Variants in ERBB4 observed in about 807,000 individuals in gnomAD.
ERBB4 encodes receptor tyrosine-protein kinase erbB-4.
ERBB4 carries 42 observed loss-of-function variants against 158.0 expected under a neutral mutation model. That is an observed-to-expected ratio of 0.27 (90% CI 0.21 to 0.34). The LOEUF (loss-of-function observed/expected upper bound fraction) is 0.34. Ranked by LOEUF, ERBB4 falls within the 10% of genes least tolerant of loss-of-function variation. The pLI is 1.00. For missense variants in ERBB4, 1,333 were observed against 1,624.1 expected (o/e 0.82, Z 3.08); for synonymous variants, 583 against 558.7 (o/e 1.04, Z -0.61).
At chr2:212,190,403 G>A (rs2082152069) in intron 1 of ERBB4, among the ~76,000 whole-genome samples, 1 of 152,072 alleles carries the variant, frequency 6.6e-6, no homozygotes, top group Admixed American at 6.5e-5. Flanking sequence ...CGGGCGTGGT[G>A]GCAGGTGCCT....
At chr2:212,285,573 A>G (rs1314677996) in intron 1 of ERBB4, among the ~76,000 whole-genome samples, 1 of 152,180 alleles carries the variant, frequency 6.6e-6, no homozygotes, top group Admixed American at 6.5e-5. Flanking sequence ...GAAAATATAT[A>G]TGGTCCCAAA....
chr2:211,878,568 A>C (rs1057113227), intron 3 of ERBB4, among the ~76,000 whole-genome samples: 146 of 152,168 alleles, frequency 9.6e-4, no homozygotes, highest in African/African-American at 3.5e-3. Context: ...AAATATCAAA[A>C]TAATCAAGAA....
intron 4 of ERBB4, among the ~76,000 whole-genome samples, chr2:211,775,150 A>C (rs935646722): frequency 6.6e-6 from 1 of 152,166 alleles, no homozygotes; most frequent in African/African-American, 2.4e-5. Flanking sequence ...AAATTGAACT[A>C]AGGTTCTATC....
At chr2:211,677,079 T>C (rs920359914) in intron 13 of ERBB4, among the ~76,000 whole-genome samples, 2 of 152,174 alleles carry the variant, frequency 1.3e-5, no homozygotes, top group Admixed American at 1.3e-4. Flanking sequence ...TTTTCCCTTA[T>C]ATTTTATGGA....
chr2:212,395,614 C>CTTTTTTTTTTTTTTTTTTTTTTTTTTT (rs760604732), intron 1 of ERBB4, among the ~76,000 whole-genome samples: 1 of 84,736 alleles, frequency 1.2e-5, no homozygotes, highest in Non-Finnish European at 2.2e-5. Context: ...CAGTTACACT[C>CTTTTTTTTTTTTTTTTTTTTTTTTTTT]TTTTTTTTTT....
chr2:211,674,811 T>C (rs986544499), intron 13 of ERBB4, among the ~76,000 whole-genome samples: 2 of 152,150 alleles, frequency 1.3e-5, no homozygotes, highest in Non-Finnish European at 2.9e-5. Context: ...TTTTGGATAA[T>C]AGTTTCTTGG....
chr2:212,072,921 T>C (rs552659579), intron 2 of ERBB4, among the ~76,000 whole-genome samples: 2 of 151,016 alleles, frequency 1.3e-5, no homozygotes, highest in East Asian at 3.9e-4. Flanking sequence ...AGAAATATTG[T>C]TTCATGAAAG....
chr2:212,358,613 AT>A (rs1319783084), intron 1 of ERBB4, among the ~76,000 whole-genome samples: 1 of 151,716 alleles, frequency 6.6e-6, no homozygotes, highest in Non-Finnish European at 1.5e-5. Context: ...ATTCCTGGAA[AT>A]TTTGGTGTAT....
chr2:212,208,406 A>T (rs1285788765), intron 1 of ERBB4, among the ~76,000 whole-genome samples: 1 of 152,120 alleles, frequency 6.6e-6, no homozygotes, highest in African/African-American at 2.4e-5. Flanking sequence ...TAATATACTT[A>T]TCTATCTTGA....
intron 1 of ERBB4, among the ~76,000 whole-genome samples, chr2:212,166,880 G>T (rs1366283064): frequency 8.5e-5 from 13 of 152,112 alleles, no homozygotes; most frequent in Admixed American, 8.5e-4. Context: ...GGGAAAACTG[G>T]CTAGCCATCT....
At chr2:211,481,515 G>A (rs1559211240) in intron 20 of ERBB4, among the ~76,000 whole-genome samples, 1 of 151,822 alleles carries the variant, frequency 6.6e-6, no homozygotes, top group Non-Finnish European at 1.5e-5. Context: ...AACACACCAG[G>A]GCTGGAAATC....
At chr2:211,913,959 A>G (rs953313869) in intron 3 of ERBB4, among the ~76,000 whole-genome samples, 1 of 151,574 alleles carries the variant, frequency 6.6e-6, no homozygotes, top group African/African-American at 2.4e-5. Flanking sequence ...CAAAAATCAA[A>G]TAAGTGGAGA....
chr2:211,639,510 T>C (rs1228882988), intron 16 of ERBB4, among the ~76,000 whole-genome samples: 1 of 152,232 alleles, frequency 6.6e-6, no homozygotes, highest in African/African-American at 2.4e-5. Flanking sequence ...GGCACCATTC[T>C]TGTTCCCATA....
intron 2 of ERBB4, among the ~76,000 whole-genome samples, chr2:212,043,691 G>T (rs901291604): frequency 1.3e-5 from 2 of 152,066 alleles, no homozygotes; most frequent in Non-Finnish European, 2.9e-5. Flanking sequence ...AAAAGCCAGA[G>T]AATAAGTGAA....
intron 26 of ERBB4, among the ~76,000 whole-genome samples, chr2:211,387,506 C>T (rs990336662): frequency 1.3e-5 from 2 of 152,184 alleles, no homozygotes; most frequent in East Asian, 1.9e-4. Context: ...TAATTATAGA[C>T]AGTTGTCATT....
At chr2:211,494,283 G>C (rs1365099635) in intron 20 of ERBB4, among the ~76,000 whole-genome samples, 2 of 152,038 alleles carry the variant, frequency 1.3e-5, no homozygotes, top group Non-Finnish European at 2.9e-5. Context: ...GATTATAGGC[G>C]TGAGCCACCG....
intron 25 of ERBB4, among the ~76,000 whole-genome samples, chr2:211,395,381 A>G (rs1051644702): frequency 3.3e-5 from 5 of 152,122 alleles, no homozygotes; most frequent in Non-Finnish European, 7.4e-5. Context: ...GGTACTAGCA[A>G]CAAGATTCCC....
In ERBB4 at chr2:212,368,787, A is replaced by T. The variant is rs116261983; in HGVS notation, c.82+169662T>A. Among the ~76,000 whole-genome samples the T allele has an allele frequency of 6.5e-3, 990 of 152,218 alleles. 7 individuals are homozygous for T. The highest frequency in any genetic ancestry group is 0.023 in the African/African-American group (945 of 41,546). ...ATACTATTCTTGGTAATCATAACCA[A>T]TCAGTGGGAATTATCTTGGGAGATA... On this transcript the variant is annotated intron_variant, in intron 1 of 27. Transcript: ENST00000342788.
chr2:212,430,730 T>C (rs2092010042), intron 1 of ERBB4, among the ~76,000 whole-genome samples: 2 of 152,290 alleles, frequency 1.3e-5, no homozygotes, highest in African/African-American at 2.4e-5. Context: ...ATTACCAATC[T>C]TGTTTAGCAT....
Sources: gnomAD v4.1 joint callset for allele counts (sites outside exome capture counted in the v4.1 genomes callset) on GRCh38, gnomAD v4.1.1 for gene constraint, MANE v1.5 for transcripts, NCBI Gene and HGNC (gene_info 2026-07-23, HGNC 2026-07-21) for gene names.